INPP4A: variants seen among roughly 807,000 people sequenced by gnomAD.
The protein encoded by INPP4A is inositol polyphosphate-4-phosphatase type I A.
In INPP4A, 33 loss-of-function variants were observed where a neutral mutation model predicts 119.8. The observed-to-expected ratio is 0.28, with a 90% confidence interval of 0.21 to 0.37. The LOEUF (loss-of-function observed/expected upper bound fraction) is 0.37. INPP4A is among the 10% of genes least tolerant of loss of function. The probability of loss-of-function intolerance (pLI) is 1.00; values close to 1 mark genes in which losing one functional copy is unlikely to be tolerated. For synonymous variants in INPP4A, 496 were observed against 500.7 expected (o/e 0.99, Z 0.12); for missense variants, 956 against 1,289.9 (o/e 0.74, Z 3.97).
intron 1 of INPP4A, among the ~76,000 whole-genome samples, chr2:98,451,556 C>G (rs377150986): frequency 2.0e-5 from 3 of 152,068 alleles, no homozygotes; most frequent in Non-Finnish European, 2.9e-5. Flanking sequence ...CTGCAGCGCC[C>G]CTCTTTTTGC....
intron 1 of INPP4A, among the ~76,000 whole-genome samples, chr2:98,497,539 G>A (rs2105332027): frequency 6.6e-6 from 1 of 152,340 alleles, no homozygotes; most frequent in South Asian, 2.1e-4. Flanking sequence ...CTGGCCATTT[G>A]CACATCTTCT....
chr2:98,451,335 A>T (rs1695184110), intron 1 of INPP4A, among the ~76,000 whole-genome samples: 1 of 152,066 alleles, frequency 6.6e-6, no homozygotes, highest in Non-Finnish European at 1.5e-5. Context: ...CAGTAAGCAG[A>T]TGTATATGGT....
chr2:98,538,101 C>T (rs1360757205), intron 8 of INPP4A, 127 bp downstream of exon 8: 2 of 643,790 alleles, frequency 3.1e-6, no homozygotes, highest in Non-Finnish European at 5.5e-6. Flanking sequence ...ATGCTGCTCC[C>T]CACGGACACT....
chr2:98,521,374 T>G (rs1484717140), intron 4 of INPP4A: 1 of 152,140 alleles, frequency 6.6e-6, no homozygotes, highest in African/African-American at 2.4e-5. Flanking sequence ...TGGTCAACAT[T>G]AGTTGGTGGC....
chr2:98,468,743 G>A (rs948232848), intron 1 of INPP4A, among the ~76,000 whole-genome samples: 4 of 152,130 alleles, frequency 2.6e-5, no homozygotes, highest in African/African-American at 9.7e-5. Context: ...GATAGAAGTC[G>A]ATAACTCCTC....
At chr2:98,581,390 C>T (rs567273906) in intron 24 of INPP4A, among the ~76,000 whole-genome samples, 4 of 152,194 alleles carry the variant, frequency 2.6e-5, no homozygotes, top group East Asian at 1.9e-4. Context: ...CTCTCATACC[C>T]GTTTCTGCAT....
chr2:98,456,495 G>A (rs1006923703), intron 1 of INPP4A, among the ~76,000 whole-genome samples: 2 of 151,858 alleles, frequency 1.3e-5, no homozygotes, highest in Non-Finnish European at 2.9e-5. Context: ...CACCACACTT[G>A]GCTAATTTTT....
intron 13 of INPP4A, among the ~76,000 whole-genome samples, chr2:98,551,054 C>T (rs985180478): frequency 1.3e-5 from 2 of 152,044 alleles, no homozygotes; most frequent in Non-Finnish European, 2.9e-5. Flanking sequence ...CTCCTGGGCT[C>T]AGTTGACCCT....
intron 24 of INPP4A, among the ~76,000 whole-genome samples, chr2:98,579,377 A>G (rs550231033): frequency 2.6e-5 from 4 of 152,268 alleles, no homozygotes; most frequent in East Asian, 1.9e-4. Context: ...AATTTATCCA[A>G]TTTGCTGTCA....
intron 23 of INPP4A, among the ~76,000 whole-genome samples, chr2:98,575,416 C>T (rs1442325979): frequency 6.6e-6 from 1 of 152,260 alleles, no homozygotes; most frequent in African/African-American, 2.4e-5. Flanking sequence ...ACTCTACAGC[C>T]CACAGAATTT....
chr2:98,552,822 C>T lies in INPP4A; in HGVS notation c.1200C>T (p.Pro400=), dbSNP rs1693775734. ...SSGCQSIIYI[P]QDVVRAKEII... ...GCTGCCAGTCCATAATCTACATACC[C>T]CAGGATGTTGTCAGAGCCAAGGAGA... The change falls in exon 14 of 25, where the codon CCC becomes CCT. Residue 400 remains proline, a synonymous_variant. Transcript: ENST00000409851. 6.2e-7 allele frequency: 1 copy of T among 1,613,812 alleles called. No homozygotes were observed. Among genetic ancestry groups the T allele is most frequent in the Non-Finnish European group, 8.5e-7 (1 of 1,179,724 alleles).
At chr2:98,465,779 T>A (rs1207720937) in intron 1 of INPP4A, among the ~76,000 whole-genome samples, 2 of 152,018 alleles carry the variant, frequency 1.3e-5, no homozygotes, top group African/African-American at 4.8e-5. Flanking sequence ...AAAAAAGAGT[T>A]TTTCAACTCT....
At chr2:98,496,444 G>A (rs990851453) in intron 1 of INPP4A, among the ~76,000 whole-genome samples, 4 of 152,132 alleles carry the variant, frequency 2.6e-5, no homozygotes, top group Admixed American at 6.6e-5. Flanking sequence ...TAGGTGAGGC[G>A]CTTCAGGACA....
At chr2:98,505,354 G>T (rs1471334612) in intron 1 of INPP4A, among the ~76,000 whole-genome samples, 1 of 152,236 alleles carries the variant, frequency 6.6e-6, no homozygotes, top group Admixed American at 6.5e-5. Flanking sequence ...GCTGACCTTG[G>T]TGGAGGCTTG....
intron 24 of INPP4A, among the ~76,000 whole-genome samples, chr2:98,582,115 A>T (rs1699392063): frequency 6.6e-6 from 1 of 152,224 alleles, no homozygotes; most frequent in Admixed American, 6.5e-5. Context: ...AAGAGAAACG[A>T]GTTCTGTTTA....
chr2:98,453,459 A>C (rs987878524), intron 1 of INPP4A, among the ~76,000 whole-genome samples: 8 of 152,352 alleles, frequency 5.3e-5, no homozygotes, highest in Admixed American at 1.3e-4. Context: ...AGTTATTCAC[A>C]TGTAGTGTAT....
chr2:98,583,598 T>C (rs1464580939), intron 24 of INPP4A, among the ~76,000 whole-genome samples: 1 of 152,232 alleles, frequency 6.6e-6, no homozygotes, highest in African/African-American at 2.4e-5. Flanking sequence ...GCCTCCACTT[T>C]CTATCTCCAG....
chr2:98,542,182 A>C (rs1691592322), intron 10 of INPP4A, among the ~76,000 whole-genome samples: 1 of 152,284 alleles, frequency 6.6e-6, no homozygotes, highest in Non-Finnish European at 1.5e-5. Flanking sequence ...GGGCAGACAC[A>C]TTCCAGAGAA....
At chr2:98,493,593 C>T (rs912107462) in intron 1 of INPP4A, among the ~76,000 whole-genome samples, 14 of 152,070 alleles carry the variant, frequency 9.2e-5, no homozygotes, top group South Asian at 6.2e-4. Flanking sequence ...GACAGGGTTT[C>T]GCTATGTTGC....
Sources: allele counts gnomAD v4.1 joint callset (sites outside exome capture counted in the v4.1 genomes callset), GRCh38; gene constraint gnomAD v4.1.1; transcripts MANE v1.5; gene names NCBI Gene and HGNC (gene_info 2026-07-23, HGNC 2026-07-21).